Variants in RORA observed in about 807,000 individuals in gnomAD.
The protein encoded by RORA is RAR related orphan receptor A, also known as nuclear receptor ROR-alpha.
In RORA, 7 loss-of-function variants were observed where a neutral mutation model predicts 69.5. The observed-to-expected ratio is 0.10, with a 90% CI of 0.06 to 0.19. RORA has a LOEUF of 0.19. Among genes scored for constraint, RORA ranks in the 10% least tolerant of loss-of-function variants. RORA has a pLI of 1.00. For synonymous variants in RORA, 261 were observed against 240.8 expected, an observed-to-expected ratio of 1.08 and a Z score of -0.78; for missense variants, 457 against 663.0, an observed-to-expected ratio of 0.69 and a Z score of 3.41.
At chr15:61,138,852 A>T (rs78848275) in intron 1 of RORA, among the ~76,000 whole-genome samples, 3,935 of 152,128 alleles carry the variant, frequency 0.026, 183 homozygotes, top group African/African-American at 0.09. Context: ...AATTAAATTT[A>T]AAAAAAACAC....
At chr15:60,604,139 A>T (rs1246063071) in intron 2 of RORA, among the ~76,000 whole-genome samples, 2 of 150,804 alleles carry the variant, frequency 1.3e-5, no homozygotes, top group East Asian at 3.9e-4. Flanking sequence ...TCTCAAAAAA[A>T]AAAAAAAAAA....
chr15:60,617,655 C>G (rs1261118854), intron 2 of RORA, among the ~76,000 whole-genome samples: 3 of 102,462 alleles, frequency 2.9e-5, no homozygotes, highest in Non-Finnish European at 5.9e-5. Context: ...TACACACATA[C>G]AGACAGAGAG....
At chr15:60,746,044 C>CT (rs971998262) in intron 1 of RORA, among the ~76,000 whole-genome samples, 4 of 152,174 alleles carry the variant, frequency 2.6e-5, no homozygotes, top group African/African-American at 9.7e-5. Context: ...TGCTGAGTGC[C>CT]TTACAGAATC....
intron 1 of RORA, among the ~76,000 whole-genome samples, chr15:60,972,505 C>T (rs572126704): frequency 1.3e-5 from 2 of 152,164 alleles, no homozygotes; most frequent in Admixed American, 1.3e-4. Context: ...TTCTCCTGTT[C>T]GTTATGAGTA....
At chr15:60,960,757 GATTTTAACAC>G (rs1289643332) in intron 1 of RORA, among the ~76,000 whole-genome samples, 2 of 151,856 alleles carry the variant, frequency 1.3e-5, no homozygotes, top group African/African-American at 2.4e-5. Flanking sequence ...ATCGCCTCTG[GATTTTAACAC>G]ATTCGCTTCA....
intron 2 of RORA, among the ~76,000 whole-genome samples, chr15:60,576,369 A>G (rs1160802659): frequency 1.3e-5 from 2 of 152,206 alleles, no homozygotes; most frequent in East Asian, 3.8e-4. Flanking sequence ...CTCCCACTCA[A>G]TGGACAGCCT....
At chr15:60,863,293 G>A (rs987539055) in intron 1 of RORA, among the ~76,000 whole-genome samples, 11 of 152,080 alleles carry the variant, frequency 7.2e-5, no homozygotes, top group African/African-American at 2.4e-4. Context: ...GTCATAATAA[G>A]GTCATTCTAA....
At chr15:61,049,651 T>C (rs1439367492) in intron 1 of RORA, among the ~76,000 whole-genome samples, 2 of 152,052 alleles carry the variant, frequency 1.3e-5, no homozygotes, top group Non-Finnish European at 1.5e-5. Context: ...AGGTACTTCT[T>C]TCTTTCTTTT....
In RORA at chr15:60,546,320, A is replaced by G. The variant is rs542661630; in HGVS notation, c.197-14469T>C. On this transcript the variant is annotated intron_variant, in intron 2 of 10. Coordinates refer to ENST00000335670, the MANE Select transcript of RORA (RefSeq NM_134261.3). The stretch of plus-strand genomic sequence containing the variant: ...ATGGATGCTTGTCTATTGAGAGAGT[A>G]ATTGTTAAACTAAAGGAAACTGGTC... 3 of 152,352 alleles carry G rather than the reference A, an allele frequency of 2.0e-5. No individual in the cohort carries two copies. In the East Asian group the frequency reaches 5.8e-4, roughly 29 times the overall value. The allele number at this position is 152,352 out of a possible 1,614,324, so 9.4% of individuals were successfully genotyped here. A position where few individuals can be genotyped will look rare whatever the true frequency, so the allele number is the denominator to read the frequency against.
chr15:60,668,561 T>C (rs989345335), intron 2 of RORA, among the ~76,000 whole-genome samples: 7 of 152,192 alleles, frequency 4.6e-5, no homozygotes, highest in African/African-American at 1.2e-4. Context: ...AGCTATTTCA[T>C]TGGCCTCGGG....
At chr15:61,081,767 C>G (rs2078544443) in intron 1 of RORA, among the ~76,000 whole-genome samples, 1 of 147,926 alleles carries the variant, frequency 6.8e-6, no homozygotes, top group Admixed American at 6.8e-5. Context: ...GAGATCACGC[C>G]ACCGCACTCC....
At chr15:60,868,114 G>A (rs1458527391) in intron 1 of RORA, among the ~76,000 whole-genome samples, 2 of 152,108 alleles carry the variant, frequency 1.3e-5, no homozygotes, top group Non-Finnish European at 2.9e-5. Flanking sequence ...AATCTAAAAT[G>A]CCTAGCATGG....
intron 2 of RORA, among the ~76,000 whole-genome samples, chr15:60,663,814 C>A (rs1351265815): frequency 6.6e-6 from 1 of 152,160 alleles, no homozygotes; most frequent in Non-Finnish European, 1.5e-5. Flanking sequence ...GAATCATGTA[C>A]GATATGTAGA....
intron 1 of RORA, among the ~76,000 whole-genome samples, chr15:61,044,977 G>A (rs975129159): frequency 6.6e-6 from 1 of 152,176 alleles, no homozygotes; most frequent in Non-Finnish European, 1.5e-5. Flanking sequence ...CTGTACTTGG[G>A]GGCACTCGGG....
At chr15:60,808,124 C>A (rs1268026841) in intron 1 of RORA, among the ~76,000 whole-genome samples, 1 of 152,162 alleles carries the variant, frequency 6.6e-6, no homozygotes, top group East Asian at 1.9e-4. Flanking sequence ...AAATAATCAG[C>A]AGAATTTACA....
chr15:60,951,873 T>A (rs933179002), intron 1 of RORA, among the ~76,000 whole-genome samples: 6 of 151,200 alleles, frequency 4.0e-5, no homozygotes, highest in African/African-American at 1.5e-4. Context: ...AAGGAGGAAC[T>A]GGTACCATTC....
chr15:60,809,858 C>G (rs1180274684), intron 1 of RORA, among the ~76,000 whole-genome samples: 1 of 150,958 alleles, frequency 6.6e-6, no homozygotes, highest in East Asian at 1.9e-4. Flanking sequence ...ATTTCTTATT[C>G]AACTCCAAAC....
intron 1 of RORA, among the ~76,000 whole-genome samples, chr15:60,864,067 A>G (rs1464731825): frequency 2.0e-5 from 3 of 152,188 alleles, no homozygotes; most frequent in African/African-American, 7.2e-5. Flanking sequence ...AGTCTCCCAA[A>G]GTGCTGGGAT....
intron 1 of RORA, among the ~76,000 whole-genome samples, chr15:60,988,021 TC>T (rs920206756): frequency 2.0e-4 from 30 of 152,332 alleles, no homozygotes; most frequent in African/African-American, 7.2e-4. Flanking sequence ...TGGCCTGCTG[TC>T]CCCTGGCTGC....
Sources: gnomAD v4.1 joint callset for allele counts (sites outside exome capture counted in the v4.1 genomes callset) on GRCh38, gnomAD v4.1.1 for gene constraint, MANE v1.5 for transcripts, NCBI Gene and HGNC (gene_info 2026-07-23, HGNC 2026-07-21) for gene names.